The following GPC6 variants were observed in gnomAD, a reference collection of about 807,000 sequenced individuals.
GPC6 encodes the protein glypican-6.
In GPC6, 14 loss-of-function variants were observed where a neutral mutation model predicts 55.2. The ratio of observed to expected loss-of-function variants is 0.25; its 90% CI spans 0.17 to 0.40. The LOEUF (loss-of-function observed/expected upper bound fraction) is 0.40. GPC6 is among the 10% of genes least tolerant of loss of function. The pLI is 1.00. For synonymous variants in GPC6, 278 were observed against 259.6 expected, an observed-to-expected ratio of 1.07 and a Z score of -0.68; for missense variants, 641 against 708.5, an observed-to-expected ratio of 0.90 and a Z score of 1.08.
At chr13:94,258,413 T>C (rs1891563670) in intron 4 of GPC6, among the ~76,000 whole-genome samples, 1 of 152,182 alleles carries the variant, frequency 6.6e-6, no homozygotes, top group South Asian at 2.1e-4. Context: ...CAAAGTTGAA[T>C]TACCATGTGC....
At chr13:93,266,363 C>T (rs916702120) in intron 1 of GPC6, among the ~76,000 whole-genome samples, 2 of 152,070 alleles carry the variant, frequency 1.3e-5, no homozygotes, top group African/African-American at 4.8e-5. Context: ...ATGGTGGTAG[C>T]TCATGACCTT....
At chr13:94,065,661 T>C (rs1464021189) in intron 4 of GPC6, among the ~76,000 whole-genome samples, 1 of 152,200 alleles carries the variant, frequency 6.6e-6, no homozygotes, top group African/African-American at 2.4e-5. Flanking sequence ...GGTTAGTGCT[T>C]CACTTGACTC....
At chr13:93,309,695 C>G (rs900054073) in intron 1 of GPC6, among the ~76,000 whole-genome samples, 3 of 152,086 alleles carry the variant, frequency 2.0e-5, no homozygotes, top group African/African-American at 2.4e-5. Context: ...AATTTTGTTA[C>G]TTTTTATTTT....
At position 93,227,621 on chromosome 13, in the gene GPC6, G is replaced by C. The variant is rs1315813538; in HGVS notation, c.160+5G>C. On this transcript the variant is annotated splice_donor_5th_base_variant and intron_variant, in intron 1 of 8. Coordinates refer to ENST00000377047, the MANE Select transcript of GPC6 (RefSeq NM_005708.5). The surrounding 1 kb of genome is among the most constrained non-coding windows in gnomAD (Gnocchi z 4.3). ...TCCCCTACCAGGAGATCGCAGGTAA[G>C]CGCGGGCGCGCTGCAGGGGCAGGCT... The C allele has an allele frequency of 8.8e-6, 14 of 1,596,976 alleles. No individual in the cohort carries two copies. The highest frequency in any genetic ancestry group is 1.0e-5 in the Non-Finnish European group (12 of 1,175,080).
chr13:94,382,617 C>A, intron 7 of GPC6, 67 bp downstream of exon 7: 1 of 1,592,348 alleles, frequency 6.3e-7, no homozygotes, highest in Non-Finnish European at 8.6e-7. Context: ...ACTCTCCTGG[C>A]ACAACTCTAC....
At chr13:93,603,032 C>T (rs1235078662) in intron 2 of GPC6, among the ~76,000 whole-genome samples, 8 of 150,898 alleles carry the variant, frequency 5.3e-5, no homozygotes, top group Non-Finnish European at 1.0e-4. Context: ...GTTTTTGAGA[C>T]AAGTTCTCCA....
At position 93,737,844 on chromosome 13, in the gene GPC6, G is replaced by A. The variant is rs536767111; in HGVS notation, c.320-92310G>A. On this transcript the variant is annotated intron_variant, in intron 2 of 8. Coordinates refer to ENST00000377047, the MANE Select transcript of GPC6 (RefSeq NM_005708.5). ...TACAGAACATTTGAATTTGCTGTTAGTCTCAAAGCTTTTTCTAAGATCAGC... is the reference window on the plus strand; with the variant it reads ...TACAGAACATTTGAATTTGCTGTTAATCTCAAAGCTTTTTCTAAGATCAGC... Among the ~76,000 whole-genome samples the A allele has an allele frequency of 7.2e-5, 11 of 152,088 alleles. No homozygotes were observed. In the South Asian group the frequency reaches 2.3e-3, roughly 32 times the overall value.
chr13:94,169,956 G>T (rs1235946949), intron 4 of GPC6, among the ~76,000 whole-genome samples: 1 of 152,120 alleles, frequency 6.6e-6, no homozygotes, highest in Non-Finnish European at 1.5e-5. Context: ...ACTGGAAGTT[G>T]GGCAGGCGGG....
intron 1 of GPC6, among the ~76,000 whole-genome samples, chr13:93,303,383 G>T (rs942889877): frequency 6.6e-6 from 1 of 152,132 alleles, no homozygotes; most frequent in Non-Finnish European, 1.5e-5. Context: ...TAATACACAT[G>T]AAATCTTTAG....
Position 93,676,125 on chromosome 13 carries a change from AAATATATATATATATATATATATATATAT to A in GPC6, c.319+130706_319+130734del, listed in dbSNP as rs1287292451. ...TTCTACTAAAAAAAAAAAAAAAAAAAAATATATATATATATATATATATATATATATATATATATATATACATACACACA... is the reference window on the plus strand; with the variant it reads ...TTCTACTAAAAAAAAAAAAAAAAAAAATATATATATATATACATACACACA... On this transcript the variant is annotated intron_variant, in intron 2 of 8. Transcript: ENST00000377047. 1.8e-4 allele frequency among the ~76,000 whole-genome samples: 6 copies of A among 34,012 alleles called. No individual in the cohort carries two copies. The East Asian group carries it at 4.7e-3, about 27-fold the overall frequency. The allele number at this position is 34,012 out of a possible 152,430, so 22.3% of individuals were successfully genotyped here. A position where few individuals can be genotyped will look rare whatever the true frequency, so the allele number is the denominator to read the frequency against.
In GPC6 at chr13:93,475,961, AT is replaced by A. The variant is rs562012972; in HGVS notation, c.161-69290del. Reference sequence around the variant, plus strand: ...TGTTACGCTTTTGAGAATGACTGGGATTTTTTTTTTTTATGAGAGAGTATTC... The same window carrying A: ...TGTTACGCTTTTGAGAATGACTGGGATTTTTTTTTTTATGAGAGAGTATTC... On this transcript the variant is annotated intron_variant, in intron 1 of 8. Coordinates refer to ENST00000377047, the MANE Select transcript of GPC6 (RefSeq NM_005708.5). Among the ~76,000 whole-genome samples, 472 of 146,266 alleles carry A rather than the reference AT, an allele frequency of 3.2e-3. 2 individuals carry two copies. Among genetic ancestry groups the A allele is most frequent in the South Asian group, 0.022 (102 of 4,644 alleles).
chr13:94,123,243 A>G (rs1470559636), intron 4 of GPC6, among the ~76,000 whole-genome samples: 1 of 152,064 alleles, frequency 6.6e-6, no homozygotes, highest in Non-Finnish European at 1.5e-5. Flanking sequence ...AAAATATATG[A>G]GCTAGAAAAT....
intron 3 of GPC6, among the ~76,000 whole-genome samples, chr13:93,930,923 C>T (rs1878133348): frequency 6.6e-6 from 1 of 152,080 alleles, no homozygotes. Flanking sequence ...AACTTACAAT[C>T]ATGGTGGAAG....
chr13:93,461,305 G>C (rs536105047), intron 1 of GPC6, among the ~76,000 whole-genome samples: 1 of 152,090 alleles, frequency 6.6e-6, no homozygotes, highest in South Asian at 2.1e-4. Context: ...AATTATTTAG[G>C]AATATGGTTT....
chr13:94,019,033 T>A (rs1445776286), intron 3 of GPC6, among the ~76,000 whole-genome samples: 1 of 152,196 alleles, frequency 6.6e-6, no homozygotes. Flanking sequence ...CTTTCCTTAT[T>A]ATGTCTTTGT....
chr13:94,118,237 G>A (rs1369879756), intron 4 of GPC6, among the ~76,000 whole-genome samples: 5 of 152,022 alleles, frequency 3.3e-5, no homozygotes, highest in African/African-American at 9.7e-5. Flanking sequence ...TGCTGTTCTC[G>A]TGATAGTGAG....
At chr13:93,523,357 A>G (rs999733673) in intron 1 of GPC6, among the ~76,000 whole-genome samples, 4 of 146,976 alleles carry the variant, frequency 2.7e-5, no homozygotes, top group African/African-American at 1.0e-4. Flanking sequence ...ATATAAACAC[A>G]TGTATATATG....
intron 4 of GPC6, among the ~76,000 whole-genome samples, chr13:94,057,435 T>C (rs182955786): frequency 6.6e-6 from 1 of 152,326 alleles, no homozygotes; most frequent in African/African-American, 2.4e-5. Flanking sequence ...AAAATCTGTG[T>C]TTGCTGTTGC....
chr13:93,693,672 A>G (rs889202278), intron 2 of GPC6, among the ~76,000 whole-genome samples: 1 of 152,008 alleles, frequency 6.6e-6, no homozygotes, highest in African/African-American at 2.4e-5. Context: ...TTTTTGGTAG[A>G]CACAGGGTTT....
Sources: allele counts gnomAD v4.1 joint callset (sites outside exome capture counted in the v4.1 genomes callset), GRCh38; gene constraint gnomAD v4.1.1; non-coding constraint Gnocchi (gnomAD v3.1); transcripts MANE v1.5; gene names NCBI Gene and HGNC (gene_info 2026-07-23, HGNC 2026-07-21).